POMT1: variants seen among roughly 807,000 people sequenced by gnomAD.
The protein encoded by POMT1 is protein O-mannosyl-transferase 1.
Under a neutral mutation model 101.6 loss-of-function variants are expected in POMT1, and 85 were observed. The ratio of observed to expected loss-of-function variants is 0.84; its 90% CI spans 0.70 to 1.00. POMT1 has a LOEUF of 1.00. Among genes scored for constraint, POMT1 ranks in the 50% least tolerant of loss-of-function variants. The pLI, the probability that POMT1 is intolerant of heterozygous loss-of-function variation, is 0.00. For missense variants in POMT1, 857 were observed against 930.4 expected (o/e 0.92, Z 1.03); for synonymous variants, 371 against 383.0 (o/e 0.97, Z 0.37).
intron 10 of POMT1, 91 bp from the exon 11 acceptor site, chr9:131,511,950 G>T (rs1339831142): frequency 2.9e-6 from 4 of 1,380,170 alleles, no homozygotes; most frequent in Admixed American, 1.8e-5. Flanking sequence ...GGCTCAAGCA[G>T]TTATCCTACC....
chr9:131,512,416 C>G (rs562865960), intron 11 of POMT1, among the ~76,000 whole-genome samples: 2 of 152,250 alleles, frequency 1.3e-5, no homozygotes, highest in African/African-American at 4.8e-5. Context: ...CAAGAACCCC[C>G]CTCCTGCAAA....
In POMT1 at chr9:131,521,272, C is replaced by T. The variant is rs1949860862; in HGVS notation, c.1699-74C>T. Reference sequence around the variant, plus strand: ...TAAAGTAGTGCGTGCATCTGAATTCCTTTCCTGTGTTCTCTTCTCTTCCCT... The same window carrying T: ...TAAAGTAGTGCGTGCATCTGAATTCTTTTCCTGTGTTCTCTTCTCTTCCCT... On this transcript the variant is annotated intron_variant, in intron 17 of 19. Coordinates refer to ENST00000402686, the MANE Select transcript of POMT1 (RefSeq NM_001077365.2). 2.5e-6 allele frequency: 4 copies of T among 1,604,290 alleles called. No homozygotes were observed. In the African/African-American group the frequency reaches 5.3e-5, roughly 21 times the overall value.
intron 3 of POMT1, 80 bp from the exon 4 acceptor site, chr9:131,506,323 T>C: frequency 6.4e-7 from 1 of 1,552,880 alleles, no homozygotes; most frequent in Non-Finnish European, 8.9e-7. Flanking sequence ...TTATTATTGA[T>C]GCATCTTGTT....
intron 11 of POMT1, among the ~76,000 whole-genome samples, chr9:131,512,736 C>T (rs1287257522): frequency 6.6e-6 from 1 of 152,232 alleles, no homozygotes; most frequent in Admixed American, 6.5e-5. Flanking sequence ...CTCAGCCTCC[C>T]GAGTAGATAA....
At chr9:131,521,651 A>T (rs1361477415) in intron 18 of POMT1, among the ~76,000 whole-genome samples, 179 bp downstream of exon 18, 1 of 152,192 alleles carries the variant, frequency 6.6e-6, no homozygotes, top group South Asian at 2.1e-4. Flanking sequence ...AACCGACTTC[A>T]TAGGAACCTA....
chr9:131,519,502 G>A lies in POMT1; in HGVS notation c.1584+16G>A, dbSNP rs1949481644. On this transcript the variant is annotated intron_variant, in intron 16 of 19. Transcript: ENST00000402686. This position sits in a 1 kb window ranked among gnomAD's most constrained non-coding sequence, Gnocchi z 4.3. The stretch of plus-strand genomic sequence containing the variant: ...GGAGCTGCAGGTGAGGAGCGGCCAG[G>A]GGAAGCTGGCCTAGCTCGCTGAGCA... The A allele has an allele frequency of 6.5e-7, 1 of 1,548,200 alleles. No individual in the cohort carries two copies. The highest frequency in any genetic ancestry group is 8.7e-7 in the Non-Finnish European group (1 of 1,146,774).
rs1564394146 is a variant in POMT1, at chr9:131,522,957, A to AGC, written c.2032_2033dup (p.Leu679ProfsTer44). 1 of 1,598,116 alleles carries AGC rather than the reference A, an allele frequency of 6.3e-7. No homozygotes were observed. Among genetic ancestry groups the AGC allele is most frequent in the East Asian group, 2.2e-5 (1 of 44,644 alleles). On this transcript the variant is annotated frameshift_variant, in exon 20 of 20. Coordinates refer to ENST00000402686, the MANE Select transcript of POMT1 (RefSeq NM_001077365.2). LOFTEE classifies it high-confidence loss of function. This position sits in a 1 kb window ranked among gnomAD's most constrained non-coding sequence, Gnocchi z 5.5. ...GTCCCAGCTCCAGAGGAGCATCTTC[A>AGC]GCGCCCTGGTGGTGGCCTGGTACTC...
rs1344120488 is a variant in POMT1 at position 131,523,037 on chromosome 9, A to C, written c.2109A>C (p.Ser703=). Residue 703 remains serine, a synonymous_variant, in exon 20 of 20, where the codon TCA becomes TCC. Coordinates refer to ENST00000402686, the MANE Select transcript of POMT1 (RefSeq NM_001077365.2). The part of the protein sequence containing the change: ...TLRPLTYGDK[S]LSPHELKALR... ...GCCCACTCACCTACGGGGACAAGTC[A>C]CTCTCGCCACATGAACTCAAGGCCC... 1 of 1,610,958 alleles carries C rather than the reference A, an allele frequency of 6.2e-7. No homozygotes were observed. The highest frequency in any genetic ancestry group is 8.5e-7 in the Non-Finnish European group (1 of 1,179,782).
At position 131,518,974 on chromosome 9, in the gene POMT1, G is replaced by T. The variant is rs1949337323; in HGVS notation, c.1486+17G>T. The stretch of plus-strand genomic sequence containing the variant: ...ACGGCGCGAGTGAGTCCGCGGCGTG[G>T]CTTCCGCCGCTCCTGGAATGTACTT... On this transcript the variant is annotated intron_variant, in intron 15 of 19. Coordinates refer to ENST00000402686, the MANE Select transcript of POMT1 (RefSeq NM_001077365.2). The T allele has an allele frequency of 1.9e-6, 3 of 1,612,966 alleles. No homozygotes were observed. The highest frequency in any genetic ancestry group is 2.5e-6 in the Non-Finnish European group (3 of 1,179,998).
chr9:131,521,895 G>A, intron 18 of POMT1, 152 bp from the exon 19 acceptor site: 1 of 1,452,626 alleles, frequency 6.9e-7, no homozygotes, highest in Non-Finnish European at 9.3e-7. Flanking sequence ...CCAGCACTTT[G>A]GGAGGCCAAA....
chr9:131,519,001 C>G lies in POMT1; in HGVS notation c.1486+44C>G. The G allele has an allele frequency of 1.2e-6, 2 of 1,611,374 alleles. No individual in the cohort carries two copies. The highest frequency in any genetic ancestry group is 1.7e-6 in the Non-Finnish European group (2 of 1,179,898). On this transcript the variant is annotated intron_variant, in intron 15 of 19. Transcript: ENST00000402686. The surrounding 1 kb of genome is among the most constrained non-coding windows in gnomAD (Gnocchi z 4.3). ...TTCCGCCGCTCCTGGAATGTACTTTCAGCTGCTCAATATTTGATAACACCC... is the reference window on the plus strand; with the variant it reads ...TTCCGCCGCTCCTGGAATGTACTTTGAGCTGCTCAATATTTGATAACACCC...
chr9:131,510,988 G>A (rs1389884226), intron 9 of POMT1: 3 of 292,066 alleles, frequency 1.0e-5, no homozygotes, highest in East Asian at 1.7e-4. Flanking sequence ...GTGCTGTAGT[G>A]CTGTGTGTTT....
chr9:131,518,704 A>C, intron 14 of POMT1, 133 bp from the exon 15 acceptor site: 1 of 1,497,874 alleles, frequency 6.7e-7, no homozygotes, highest in Non-Finnish European at 9.3e-7. Context: ...TCAGGATGGA[A>C]TCCCAATGTG....
At chr9:131,515,621 C>A in intron 13 of POMT1, 99 bp downstream of exon 13, 1 of 1,105,708 alleles carries the variant, frequency 9.0e-7, no homozygotes, top group Non-Finnish European at 1.4e-6. Context: ...ACACAGAGCA[C>A]TTCCTAACAG....
At position 131,522,345 on chromosome 9, in the gene POMT1, C is replaced by T. The variant is rs532096759; in HGVS notation, c.2003+121C>T. 451 of 1,516,456 alleles carry T rather than the reference C, an allele frequency of 3.0e-4. No individual in the cohort carries two copies. In the African/African-American group the frequency reaches 4.0e-3, roughly 13 times the overall value. The allele number at this position is 1,516,456 out of a possible 1,614,324, so 93.9% of individuals were successfully genotyped here. A position where few individuals can be genotyped will look rare whatever the true frequency, so the allele number is the denominator to read the frequency against. ...CATTTCACGTTACACTGACATCCTC[C>T]GGGTCCCTCCGGGGAATGGGTGAGG... On this transcript the variant is annotated intron_variant, in intron 19 of 19. Transcript: ENST00000402686. The surrounding 1 kb of genome is among the most constrained non-coding windows in gnomAD (Gnocchi z 5.5).
chr9:131,507,479 G>A lies in POMT1; in HGVS notation c.392G>A (p.Cys131Tyr), dbSNP rs1588348954. 1 of 1,614,132 alleles carries A rather than the reference G, an allele frequency of 6.2e-7. No homozygotes were observed. Among genetic ancestry groups the A allele is most frequent in the Non-Finnish European group, 8.5e-7 (1 of 1,180,020 alleles). The change falls in exon 5 of 20, where the codon TGT becomes TAT. Residue 131 changes from cysteine (C) to tyrosine (Y), a missense_variant. Transcript: ENST00000402686. ...GTGTTGGAGCTCCACTTTTCTCATTGTGCCGCCATGGGAGCTGCTCTGTTG... is the reference window on the plus strand; with the variant it reads ...GTGTTGGAGCTCCACTTTTCTCATTATGCCGCCATGGGAGCTGCTCTGTTG... Reference protein sequence around the residue: ...QIVLELHFSHCAAMGAALLML... With the variant: ...QIVLELHFSHYAAMGAALLML...
At chr9:131,512,466 C>T (rs1947328784) in intron 11 of POMT1, among the ~76,000 whole-genome samples, 1 of 152,172 alleles carries the variant, frequency 6.6e-6, no homozygotes, top group African/African-American at 2.4e-5. Context: ...AGAGGTGCCC[C>T]TTGCTCTCAT....
intron 2 of POMT1, 137 bp downstream of exon 2, chr9:131,504,477 G>C: frequency 6.1e-6 from 8 of 1,305,484 alleles, no homozygotes; most frequent in Non-Finnish European, 8.7e-6. Flanking sequence ...TGAGAGGAGA[G>C]ACCAGTCTGT....
rs1299619118 is a variant in POMT1, at chr9:131,509,744, C to T, written c.541C>T (p.Pro181Ser). Residue 181 changes from proline (P) to serine (S), a missense_variant and splice_region_variant, in exon 7 of 20, where the codon CCT becomes TCT. Pro to Ser is a moderately conservative substitution (Grantham distance 74). Coordinates refer to ENST00000402686, the MANE Select transcript of POMT1 (RefSeq NM_001077365.2). ...LKFFNCQKHSPFSLSWWFWLT... is the reference protein window; with the variant it reads ...LKFFNCQKHSSFSLSWWFWLT... ...CCATCTGCTTTGTTTTTATTCCAGC[C>T]CTTTTTCTCTGAGCTGGTGGTTCTG... is the stretch of plus-strand genomic sequence containing the variant. The T allele has an allele frequency of 1.2e-6, 2 of 1,614,048 alleles. No individual in the cohort carries two copies. Among genetic ancestry groups the T allele is most frequent in the Admixed American group, 3.3e-5 (2 of 59,992 alleles).
Sources: gnomAD v4.1 joint callset for allele counts (sites outside exome capture counted in the v4.1 genomes callset) on GRCh38, gnomAD v4.1.1 for gene constraint, Gnocchi (gnomAD v3.1) non-coding constraint, MANE v1.5 for transcripts, NCBI Gene and HGNC (gene_info 2026-07-23, HGNC 2026-07-21) for gene names.